SDK1: variants seen among roughly 807,000 people sequenced by gnomAD.
SDK1 encodes protein sidekick-1.
A neutral mutation model predicts 245.5 loss-of-function variants in SDK1; 157 were observed. The observed-to-expected ratio is 0.64, with a 90% CI of 0.56 to 0.73. SDK1 has a LOEUF of 0.73. SDK1 is among the 30% of genes least tolerant of loss of function. SDK1 has a pLI of 0.00. For synonymous variants in SDK1, 1,647 were observed against 1,278.5 expected (o/e 1.29, Z -6.15); for missense variants, 3,583 against 3,002.3 (o/e 1.19, Z -4.52).
intron 1 of SDK1, among the ~76,000 whole-genome samples, chr7:3,524,282 A>G (rs1247599598): frequency 6.6e-6 from 1 of 152,202 alleles, no homozygotes; most frequent in Non-Finnish European, 1.5e-5. Flanking sequence ...TGCTGAGTCA[A>G]GGTGGAAACA....
intron 14 of SDK1, among the ~76,000 whole-genome samples, chr7:3,992,908 A>G (rs183378165): frequency 2.4e-4 from 37 of 152,344 alleles, no homozygotes; most frequent in African/African-American, 8.9e-4. Context: ...TGTAGAATAT[A>G]AATATGGCTA....
chr7:3,943,513 A>G (rs868031489), intron 5 of SDK1, among the ~76,000 whole-genome samples: 144 of 148,274 alleles, frequency 9.7e-4, no homozygotes, highest in African/African-American at 3.5e-3. Flanking sequence ...CCTCCTTCAG[A>G]GCGGAGTCCA....
chr7:3,617,607 C>T (rs553007779), intron 1 of SDK1, among the ~76,000 whole-genome samples: 3 of 152,274 alleles, frequency 2.0e-5, no homozygotes, highest in South Asian at 4.1e-4. Flanking sequence ...AACAACATGG[C>T]AGTTCATCTG....
At chr7:4,140,762 C>G (rs935485911) in intron 28 of SDK1, among the ~76,000 whole-genome samples, 3 of 152,066 alleles carry the variant, frequency 2.0e-5, no homozygotes, top group Non-Finnish European at 4.4e-5. Context: ...CTATGAAGTG[C>G]CTGGAATATA....
At chr7:3,451,797 T>G (rs1419587029) in intron 1 of SDK1, among the ~76,000 whole-genome samples, 1 of 152,172 alleles carries the variant, frequency 6.6e-6, no homozygotes, top group African/African-American at 2.4e-5. Context: ...CTCTCAGTCA[T>G]AAACATTTAA....
chr7:3,534,614 G>C (rs555194915), intron 1 of SDK1, among the ~76,000 whole-genome samples: 1 of 152,156 alleles, frequency 6.6e-6, no homozygotes, highest in South Asian at 2.1e-4. Context: ...AGCTTTGCAT[G>C]TTACTGCTTC....
At chr7:4,139,561 A>ATGTGTGTGTGTG (rs71032928) in intron 28 of SDK1, among the ~76,000 whole-genome samples, 2 of 21,588 alleles carry the variant, frequency 9.3e-5, no homozygotes, top group African/African-American at 2.5e-4. Flanking sequence ...ATATGTATAT[A>ATGTGTGTGTGTG]TGTGTGTATA....
In SDK1 at chr7:3,823,024, C is replaced by A. The variant is rs143016768; in HGVS notation, c.847+1441C>A. The stretch of plus-strand genomic sequence containing the variant: ...ATTTGAGGAATTGAATCTCGCTCTG[C>A]AGAACGTAGACTTGGCACAGATTTA... On this transcript the variant is annotated intron_variant, in intron 5 of 44. Transcript: ENST00000404826. Among the ~76,000 whole-genome samples the A allele has an allele frequency of 3.3e-5, 5 of 152,118 alleles. No individual in the cohort carries two copies. The East Asian group carries it at 9.7e-4, about 30-fold the overall frequency.
At chr7:3,585,689 G>T (rs755844860) in intron 1 of SDK1, among the ~76,000 whole-genome samples, 3 of 152,152 alleles carry the variant, frequency 2.0e-5, no homozygotes, top group African/African-American at 7.2e-5. Context: ...TCTGAGAGAC[G>T]GGAGTTTGGT....
At chr7:3,832,407 T>C (rs1000899798) in intron 5 of SDK1, among the ~76,000 whole-genome samples, 4 of 152,256 alleles carry the variant, frequency 2.6e-5, no homozygotes, top group African/African-American at 9.6e-5. Context: ...CACTTAGTCA[T>C]AATGTTTTAT....
chr7:3,368,335 G>C (rs1177785204), intron 1 of SDK1, among the ~76,000 whole-genome samples: 2 of 152,156 alleles, frequency 1.3e-5, no homozygotes, highest in African/African-American at 4.8e-5. Context: ...TCTCCCATTA[G>C]GCTGCTGTTA....
chr7:4,233,461 GAGGGAGAAATGGGGT>G, intron 41 of SDK1, 42 bp downstream of exon 41: 1 of 1,585,042 alleles, frequency 6.3e-7, no homozygotes, highest in Non-Finnish European at 8.6e-7. Context: ...TGGAGGACTA[GAGGGAGAAATGGGGT>G]CGAGGGGGAC....
At chr7:3,466,661 C>G (rs1781010783) in intron 1 of SDK1, among the ~76,000 whole-genome samples, 1 of 151,542 alleles carries the variant, frequency 6.6e-6, no homozygotes, top group Non-Finnish European at 1.5e-5. Flanking sequence ...TTGCTTATCA[C>G]TTAAAATAAT....
In SDK1 at chr7:3,951,811, C is replaced by T. The variant is rs940666795; in HGVS notation, c.1041C>T (p.Leu347=). 2 of 1,613,770 alleles carry T rather than the reference C, an allele frequency of 1.2e-6. No individual in the cohort carries two copies. Among genetic ancestry groups the T allele is most frequent in the African/African-American group, 2.7e-5 (2 of 74,934 alleles). Residue 347 remains leucine (L), a synonymous_variant, in exon 7 of 45, where the codon CTC becomes CTT. Transcript: ENST00000404826. The part of the protein sequence containing the change: ...TSGLHSFGRR[L]TISNPTSADT... Reference sequence around the variant, plus strand: ...GCCTCCACAGCTTTGGAAGACGCCTCACCATCAGCAACCCGACGTCCGCGG... The same window carrying T: ...GCCTCCACAGCTTTGGAAGACGCCTTACCATCAGCAACCCGACGTCCGCGG...
At chr7:4,108,221 T>C (rs1386636275) in intron 22 of SDK1, among the ~76,000 whole-genome samples, 2 of 152,136 alleles carry the variant, frequency 1.3e-5, no homozygotes, top group African/African-American at 2.4e-5. Context: ...GCAGCTGCCA[T>C]GGGCCCTGAT....
chr7:3,564,787 T>C (rs962248628), intron 1 of SDK1, among the ~76,000 whole-genome samples: 2 of 152,136 alleles, frequency 1.3e-5, no homozygotes, highest in Admixed American at 6.5e-5. Context: ...TTTAGAAAGT[T>C]GGTTCTTTTA....
chr7:4,077,219 T>C (rs2128177492), intron 21 of SDK1, 30 bp downstream of exon 21: 1 of 1,599,640 alleles, frequency 6.3e-7, no homozygotes, highest in East Asian at 2.2e-5. Context: ...GTCCTCCTGC[T>C]GTCACCTTTC....
At chr7:3,911,790 C>G (rs1262379146) in intron 5 of SDK1, among the ~76,000 whole-genome samples, 1 of 152,180 alleles carries the variant, frequency 6.6e-6, no homozygotes, top group East Asian at 1.9e-4. Flanking sequence ...GAACAAGGAG[C>G]AGGCCCTGCC....
chr7:3,346,948 G>A (rs955822867), intron 1 of SDK1, among the ~76,000 whole-genome samples: 3 of 146,034 alleles, frequency 2.1e-5, no homozygotes, highest in Admixed American at 7.0e-5. Flanking sequence ...TAGAATTATA[G>A]GCATGAGCTA....
Sources: allele counts gnomAD v4.1 joint callset (sites outside exome capture counted in the v4.1 genomes callset), GRCh38; gene constraint gnomAD v4.1.1; transcripts MANE v1.5; gene names NCBI Gene and HGNC (gene_info 2026-07-23, HGNC 2026-07-21).